Variants in SYT10 observed in about 807,000 individuals in gnomAD.
SYT10 encodes the protein synaptotagmin-10.
In SYT10, 31 loss-of-function variants were observed where a neutral mutation model predicts 51.1. The observed-to-expected ratio is 0.61, with a 90% CI of 0.46 to 0.82. SYT10 has a LOEUF of 0.82. SYT10 is among the 40% of genes least tolerant of loss of function. The pLI is 0.00. For missense variants in SYT10, 603 were observed against 634.0 expected (o/e 0.95, Z 0.53); for synonymous variants, 233 against 225.9 (o/e 1.03, Z -0.28).
intron 2 of SYT10, 54 bp from the exon 3 acceptor site, chr12:33,407,410 A>G (rs1277757589): frequency 5.8e-6 from 9 of 1,562,988 alleles, no homozygotes; most frequent in Admixed American, 3.5e-5. Flanking sequence ...TTTGATGAGA[A>G]TGTTATACAG....
rs189658439 is a variant in SYT10 at position 33,438,537 on chromosome 12, T to C, written c.151+835A>G. Among the ~76,000 whole-genome samples, 6 of 152,134 alleles carry C rather than the reference T, an allele frequency of 3.9e-5. No individual in the cohort carries two copies. The East Asian group carries it at 1.2e-3, about 30-fold the overall frequency. On this transcript the variant is annotated intron_variant, in intron 1 of 6. Coordinates refer to ENST00000228567, the MANE Select transcript of SYT10 (RefSeq NM_198992.4). Reference sequence around the variant, plus strand: ...TTCCACCCCCAAGCCTTGAGGAAAATCCACTTGAGACTTTTTTCCATCTCC... The same window carrying C: ...TTCCACCCCCAAGCCTTGAGGAAAACCCACTTGAGACTTTTTTCCATCTCC...
At position 33,398,249 on chromosome 12, in the gene SYT10, C is replaced by G. The variant is rs1430131538; in HGVS notation, c.1077+8540G>C. On this transcript the variant is annotated intron_variant, in intron 3 of 6. Transcript: ENST00000228567. ...TAGTATCAGGCCGGGCGCGGTGGCT[C>G]ACACCTGTAATCCCAGCACTTTGGG... 4.6e-5 allele frequency among the ~76,000 whole-genome samples: 7 copies of G among 152,232 alleles called. No homozygotes were observed. In the East Asian group the frequency reaches 1.4e-3, roughly 29 times the overall value.
intron 2 of SYT10, among the ~76,000 whole-genome samples, chr12:33,425,827 A>G (rs1866545554): frequency 6.6e-6 from 1 of 152,142 alleles, no homozygotes; most frequent in African/African-American, 2.4e-5. Context: ...ATTTCAGTGG[A>G]AAGAGTTTAA....
intron 1 of SYT10, among the ~76,000 whole-genome samples, chr12:33,428,428 A>G (rs1407033703): frequency 1.3e-5 from 2 of 152,256 alleles, no homozygotes; most frequent in Non-Finnish European, 2.9e-5. Flanking sequence ...ATGCAAAAAA[A>G]TCAGGTCAAT....
intron 1 of SYT10, among the ~76,000 whole-genome samples, chr12:33,428,735 T>C (rs980045398): frequency 1.1e-4 from 16 of 151,814 alleles, no homozygotes; most frequent in Non-Finnish European, 1.6e-4. Context: ...TGAAACTCCG[T>C]CTCTACTAAA....
In SYT10 at chr12:33,382,448, T is replaced by A; in HGVS notation, c.1271A>T (p.Asn424Ile). 1 of 1,613,132 alleles carries A rather than the reference T, an allele frequency of 6.2e-7. No homozygotes were observed. Among genetic ancestry groups the A allele is most frequent in the Non-Finnish European group, 8.5e-7 (1 of 1,179,498 alleles). Residue 424 changes from asparagine to isoleucine, a missense_variant, in exon 5 of 7, where the codon AAC (asparagine) becomes ATC (isoleucine). Physicochemically the swap from Asn to Ile is moderately radical, Grantham distance 149 (BLOSUM62 -3). Coordinates refer to ENST00000228567, the MANE Select transcript of SYT10 (RefSeq NM_198992.4). ...LKKRKTTTKK[N>I]TLNPVYNEAI... ...CTCATTGTACACAGGGTTTAGAGTG[T>A]TTTTCTTTGTAGTTGTTTTCCTCTT...
rs1216873498 is a variant in SYT10 at position 33,406,830 on chromosome 12, T to G, written c.1036A>C (p.Arg346=). The stretch of plus-strand genomic sequence containing the variant: ...ATATCTTTCCATACTGTGGCTTCCC[T>G]GGAGAGATCAGAGACTTCAAACAAA... ...DNLFEVSDLS[R]EATVWKDIHC... Residue 346 remains arginine (R), a synonymous_variant, in exon 3 of 7, where the codon AGG becomes CGG. Transcript: ENST00000228567. 2 of 1,613,836 alleles carry G rather than the reference T, an allele frequency of 1.2e-6. No homozygotes were observed. Among genetic ancestry groups the G allele is most frequent in the Non-Finnish European group, 1.7e-6 (2 of 1,179,978 alleles).
intron 4 of SYT10, among the ~76,000 whole-genome samples, chr12:33,383,163 T>C (rs915355063): frequency 1.1e-4 from 16 of 152,166 alleles, no homozygotes; most frequent in African/African-American, 3.9e-4. Context: ...GAACATTATA[T>C]GATGGTTATA....
chr12:33,403,358 A>C (rs1323583737), intron 3 of SYT10, among the ~76,000 whole-genome samples: 8 of 151,654 alleles, frequency 5.3e-5, no homozygotes, highest in Non-Finnish European at 8.8e-5. Flanking sequence ...CAGCCTCCCA[A>C]ATAGCTGGGA....
At chr12:33,380,334 A>G (rs573653683) in intron 5 of SYT10, among the ~76,000 whole-genome samples, 2 of 152,304 alleles carry the variant, frequency 1.3e-5, no homozygotes, top group South Asian at 4.1e-4. Flanking sequence ...TTCTTTCCAC[A>G]AAGCTTAATG....
At chr12:33,391,109 G>A (rs1400683336) in intron 3 of SYT10, among the ~76,000 whole-genome samples, 1 of 152,104 alleles carries the variant, frequency 6.6e-6, no homozygotes, top group Admixed American at 6.6e-5. Context: ...GCAAATTTTT[G>A]TATTTTTAGT....
Position 33,407,337 on chromosome 12 carries a change from G to C in SYT10, c.529C>G (p.His177Asp). 6.2e-7 allele frequency: 1 copy of C among 1,605,290 alleles called. No homozygotes were observed. Among genetic ancestry groups the C allele is most frequent in the Non-Finnish European group, 8.5e-7 (1 of 1,179,952 alleles). ...GAAACCTGCATTTGCCTCGGCAGGT[G>C]TCTTCGGAAGGAACTGTGGCTGAAC... ...SSTRHSSFRR[H>D]LPRQMQVSSV... The change falls in exon 3 of 7, where the codon CAC (histidine) becomes GAC (aspartate). Residue 177 changes from histidine to aspartate, a missense_variant. Coordinates refer to ENST00000228567, the MANE Select transcript of SYT10 (RefSeq NM_198992.4).
rs1177304097 is a variant in SYT10 at position 33,385,206 on chromosome 12, C to T, written c.1163G>A (p.Arg388Lys). Reference protein sequence around the residue: ...GRMTLTVIKCRNLKAMDITGS... With the variant: ...GRMTLTVIKCKNLKAMDITGS... The stretch of plus-strand genomic sequence containing the variant: ...AGTAATATCCATCGCCTTCAGATTT[C>T]TGCACTTAATGACTGTCAATGTCAT... The change falls in exon 4 of 7, where the codon AGA becomes AAA. Residue 388 changes from arginine (R) to lysine (K), a missense_variant. Coordinates refer to ENST00000228567, the MANE Select transcript of SYT10 (RefSeq NM_198992.4). 1 of 1,613,706 alleles carries T rather than the reference C, an allele frequency of 6.2e-7. No individual in the cohort carries two copies. Among genetic ancestry groups the T allele is most frequent in the Admixed American group, 1.7e-5 (1 of 59,994 alleles).
At chr12:33,416,565 C>A (rs1417454243) in intron 2 of SYT10, among the ~76,000 whole-genome samples, 1 of 152,174 alleles carries the variant, frequency 6.6e-6, no homozygotes, top group East Asian at 1.9e-4. Context: ...CGAATTCCGA[C>A]AATCTAAGTG....
intron 2 of SYT10, among the ~76,000 whole-genome samples, chr12:33,417,021 T>C (rs1024508353): frequency 6.6e-6 from 1 of 152,108 alleles, no homozygotes; most frequent in Non-Finnish European, 1.5e-5. Context: ...GTTTCTGCCA[T>C]TTGCTTCAAT....
chr12:33,420,531 A>T (rs1866493439), intron 2 of SYT10, among the ~76,000 whole-genome samples: 1 of 151,984 alleles, frequency 6.6e-6, no homozygotes. Context: ...GCGTGCCTGT[A>T]GTCCTGGCAA....
intron 2 of SYT10, chr12:33,424,023 T>C (rs2138430554): frequency 2.2e-6 from 1 of 455,606 alleles, no homozygotes; most frequent in East Asian, 7.0e-5. Flanking sequence ...ATATAAACAA[T>C]GAAAGTCAGA....
At chr12:33,423,500 A>G (rs1236047158) in intron 2 of SYT10, among the ~76,000 whole-genome samples, 1 of 152,084 alleles carries the variant, frequency 6.6e-6, no homozygotes, top group East Asian at 1.9e-4. Context: ...TCCTCTCTCT[A>G]TAAAGGTAAT....
At chr12:33,420,717 C>G (rs1866495911) in intron 2 of SYT10, among the ~76,000 whole-genome samples, 1 of 152,164 alleles carries the variant, frequency 6.6e-6, no homozygotes, top group Non-Finnish European at 1.5e-5. Context: ...ATATTTATAA[C>G]TACCAGAAAA....
Sources: gnomAD v4.1 joint callset for allele counts (sites outside exome capture counted in the v4.1 genomes callset) on GRCh38, gnomAD v4.1.1 for gene constraint, MANE v1.5 for transcripts, NCBI Gene and HGNC (gene_info 2026-07-23, HGNC 2026-07-21) for gene names.